The following MCC variants were observed in gnomAD, a reference collection of about 807,000 sequenced individuals.
MCC encodes colorectal mutant cancer protein.
In MCC, 90 loss-of-function variants were observed where a neutral mutation model predicts 116.2. That is an observed-to-expected ratio of 0.77 (90% CI 0.65 to 0.92). MCC has a LOEUF of 0.92. Among genes scored for constraint, MCC ranks in the 40% least tolerant of loss-of-function variants. The pLI, the probability that MCC is intolerant of heterozygous loss-of-function variation, is 0.00. For missense variants in MCC, 1,516 were observed against 1,312.2 expected (o/e 1.16, Z -2.40); for synonymous variants, 578 against 510.5 (o/e 1.13, Z -1.78).
At chr5:113,182,008 A>C (rs1761654749) in intron 3 of MCC, among the ~76,000 whole-genome samples, 1 of 152,100 alleles carries the variant, frequency 6.6e-6, no homozygotes, top group African/African-American at 2.4e-5. Context: ...CTGATGTGCT[A>C]ACATGGAGGA....
At chr5:113,443,354 C>T (rs920607348) in intron 1 of MCC, among the ~76,000 whole-genome samples, 2 of 152,188 alleles carry the variant, frequency 1.3e-5, no homozygotes, top group African/African-American at 2.4e-5. Flanking sequence ...TTTTCTATCC[C>T]GAGACACTGC....
chr5:113,305,444 C>T (rs1766964425), intron 3 of MCC, among the ~76,000 whole-genome samples: 1 of 152,186 alleles, frequency 6.6e-6, no homozygotes, highest in Non-Finnish European at 1.5e-5. Context: ...GAATTTGTCA[C>T]CTTCCACCAA....
At chr5:113,042,445 A>AG (rs1751776962) in intron 17 of MCC, among the ~76,000 whole-genome samples, 1 of 144,816 alleles carries the variant, frequency 6.9e-6, no homozygotes, top group African/African-American at 2.6e-5. Flanking sequence ...ACTGCACTCC[A>AG]GCCTGGGCAA....
intron 3 of MCC, among the ~76,000 whole-genome samples, chr5:113,207,852 C>A (rs2150322154): frequency 6.6e-6 from 1 of 152,242 alleles, no homozygotes; most frequent in East Asian, 1.9e-4. Flanking sequence ...GTGAAAAGTC[C>A]TTCCCCTGGA....
intron 3 of MCC, among the ~76,000 whole-genome samples, chr5:113,264,347 A>C (rs113925136): frequency 0.021 from 3,125 of 152,288 alleles, 36 homozygotes; most frequent in Middle Eastern, 0.027. Context: ...CGGGTCAAAC[A>C]CCTAAAGTCT....
rs1549181 is a variant in MCC, at chr5:113,027,143, G to A, written c.*159C>T. The A allele has an allele frequency of 0.52, 349,068 of 669,996 alleles. 93,753 individuals carry two copies. Among genetic ancestry groups the A allele is most frequent in the East Asian group, 0.67 (24,390 of 36,496 alleles). 41.5% of individuals were successfully genotyped at this position (669,996 alleles called of 1,614,324 possible). ...GTCCACAATGTCACCATGGCCAGTC[G>A]CCCCAAGGGTTGAGTTGGGGCACTC... is the stretch of plus-strand genomic sequence containing the variant. On this transcript the variant is annotated 3_prime_UTR_variant, in exon 19 of 19. Transcript: ENST00000408903.
chr5:113,418,582 C>G (rs947342049), intron 1 of MCC, among the ~76,000 whole-genome samples: 6 of 152,042 alleles, frequency 3.9e-5, no homozygotes, highest in Admixed American at 2.6e-4. Flanking sequence ...AAAATATCCA[C>G]CTCAGAAGTG....
At chr5:113,379,122 T>C (rs1191963470) in intron 2 of MCC, among the ~76,000 whole-genome samples, 2 of 152,214 alleles carry the variant, frequency 1.3e-5, no homozygotes, top group East Asian at 3.9e-4. Flanking sequence ...ACCATATGTC[T>C]GTCATTTCTG....
At chr5:113,438,655 AT>A (rs1770939549) in intron 1 of MCC, among the ~76,000 whole-genome samples, 1 of 152,230 alleles carries the variant, frequency 6.6e-6, no homozygotes, top group South Asian at 2.1e-4. Flanking sequence ...TATAATATAG[AT>A]CTATTATACC....
At chr5:113,146,089 AG>A (rs1759498301) in intron 4 of MCC, among the ~76,000 whole-genome samples, 1 of 149,360 alleles carries the variant, frequency 6.7e-6, no homozygotes, top group African/African-American at 2.4e-5. Context: ...AAAGGTATTT[AG>A]TTTACATTCC....
chr5:113,058,508 C>A (rs1561764555), intron 14 of MCC, among the ~76,000 whole-genome samples: 1 of 152,322 alleles, frequency 6.6e-6, no homozygotes, highest in East Asian at 1.9e-4. Context: ...GTGAGAAGCA[C>A]TGGTCTCCCC....
chr5:113,396,345 A>C (rs1461814504), intron 1 of MCC, among the ~76,000 whole-genome samples: 1 of 152,084 alleles, frequency 6.6e-6, no homozygotes, highest in Admixed American at 6.6e-5. Context: ...CAAACAAAAA[A>C]ACCGAGCCAT....
intron 11 of MCC, among the ~76,000 whole-genome samples, chr5:113,077,185 T>G (rs918410027): frequency 3.9e-5 from 6 of 152,124 alleles, no homozygotes; most frequent in Non-Finnish European, 8.8e-5. Context: ...CAAAGAGACT[T>G]AGACTCCCAC....
At chr5:113,333,789 TTA>T (rs754947221) in intron 3 of MCC, among the ~76,000 whole-genome samples, 160 of 10,046 alleles carry the variant, frequency 0.016, 1 homozygote, top group East Asian at 0.11. Flanking sequence ...TCATATATAT[TTA>T]TATATATATG....
chr5:113,387,951 T>A (rs1769308973), intron 1 of MCC, among the ~76,000 whole-genome samples: 1 of 152,220 alleles, frequency 6.6e-6, no homozygotes, highest in Admixed American at 6.5e-5. Context: ...AAAAGAATAC[T>A]GAACGGAACT....
At chr5:113,193,547 G>A (rs902623500) in intron 3 of MCC, among the ~76,000 whole-genome samples, 2 of 152,106 alleles carry the variant, frequency 1.3e-5, no homozygotes, top group East Asian at 3.9e-4. Flanking sequence ...TTAAGCCTAG[G>A]AATTCTCTCC....
At chr5:113,207,500 G>A (rs1027542900) in intron 3 of MCC, among the ~76,000 whole-genome samples, 1 of 152,084 alleles carries the variant, frequency 6.6e-6, no homozygotes, top group African/African-American at 2.4e-5. Context: ...TGGAAGAACT[G>A]AATCTTAGAG....
At chr5:113,169,103 C>T (rs752519597) in intron 3 of MCC, among the ~76,000 whole-genome samples, 1 of 152,116 alleles carries the variant, frequency 6.6e-6, no homozygotes, top group Non-Finnish European at 1.5e-5. Flanking sequence ...CCCAGACTCC[C>T]TGCCCTCTGT....
intron 1 of MCC, among the ~76,000 whole-genome samples, chr5:113,414,662 C>T (rs888134404): frequency 7.2e-5 from 11 of 151,986 alleles, no homozygotes; most frequent in African/African-American, 1.2e-4. Flanking sequence ...TGTGTGTCTC[C>T]GCACATGAGA....
Sources: allele counts gnomAD v4.1 joint callset (sites outside exome capture counted in the v4.1 genomes callset), GRCh38; gene constraint gnomAD v4.1.1; transcripts MANE v1.5; gene names NCBI Gene and HGNC (gene_info 2026-07-23, HGNC 2026-07-21).